RIT2: variants seen among roughly 807,000 people sequenced by gnomAD.
RIT2 encodes GTP-binding protein Rit2.
A neutral mutation model predicts 23.7 loss-of-function variants in RIT2; 24 were observed. That is an observed-to-expected ratio of 1.01 (90% CI 0.73 to 1.43). The LOEUF is 1.43. Among genes scored for constraint, RIT2 ranks in the 40% most tolerant of loss-of-function variants. The pLI is 0.00. For synonymous variants in RIT2, 107 were observed against 91.1 expected, an observed-to-expected ratio of 1.17 and a Z score of -0.99; for missense variants, 236 against 266.9, an observed-to-expected ratio of 0.88 and a Z score of 0.81.
intron 4 of RIT2, among the ~76,000 whole-genome samples, chr18:42,837,694 G>C (rs554997084): frequency 1.3e-5 from 2 of 152,042 alleles, no homozygotes; most frequent in African/African-American, 4.8e-5. Flanking sequence ...GAAAGTATTC[G>C]GATTTGGGGT....
At chr18:43,079,839 C>G (rs765353834) in intron 1 of RIT2, among the ~76,000 whole-genome samples, 10 of 152,196 alleles carry the variant, frequency 6.6e-5, no homozygotes, top group Non-Finnish European at 1.0e-4. Context: ...AAGGAAGCCT[C>G]TGCCTTTGAA....
At chr18:42,926,542 T>G (rs1470394545) in intron 3 of RIT2, among the ~76,000 whole-genome samples, 1 of 151,952 alleles carries the variant, frequency 6.6e-6, no homozygotes, top group African/African-American at 2.4e-5. Flanking sequence ...AAATATACCA[T>G]AATGAATGAC....
chr18:42,744,323 T>A (rs566198991), intron 4 of RIT2, among the ~76,000 whole-genome samples: 215 of 152,302 alleles, frequency 1.4e-3, no homozygotes, highest in Middle Eastern at 0.014. Flanking sequence ...CAGTCACATT[T>A]AAAAATATAT....
intron 4 of RIT2, among the ~76,000 whole-genome samples, chr18:42,770,094 T>C (rs1296108043): frequency 6.6e-6 from 1 of 151,790 alleles, no homozygotes; most frequent in Non-Finnish European, 1.5e-5. Flanking sequence ...GACTGCTTCA[T>C]AGGGTCAAGA....
chr18:42,767,111 C>A (rs1304554867), intron 4 of RIT2, among the ~76,000 whole-genome samples: 8 of 152,338 alleles, frequency 5.3e-5, no homozygotes, highest in Admixed American at 3.9e-4. Context: ...CCTACTGGGG[C>A]ACTGCCTAGT....
At chr18:42,811,072 G>A (rs552443651) in intron 4 of RIT2, among the ~76,000 whole-genome samples, 52 of 152,066 alleles carry the variant, frequency 3.4e-4, no homozygotes, top group Non-Finnish European at 6.6e-4. Context: ...ATTTTGTCTG[G>A]AAAGTTAGAG....
chr18:43,067,904 A>AG (rs1042605630), intron 1 of RIT2, among the ~76,000 whole-genome samples: 1 of 152,054 alleles, frequency 6.6e-6, no homozygotes, highest in African/African-American at 2.4e-5. Flanking sequence ...GTTGGAAAGG[A>AG]GGGGGGCTGG....
chr18:43,072,139 C>T (rs962273387), intron 1 of RIT2, among the ~76,000 whole-genome samples: 2 of 152,034 alleles, frequency 1.3e-5, no homozygotes, highest in Admixed American at 6.6e-5. Context: ...GTGAGTGCCA[C>T]CACGGCCAGC....
At chr18:42,923,195 C>A (rs555927549) in intron 4 of RIT2, among the ~76,000 whole-genome samples, 53 of 152,206 alleles carry the variant, frequency 3.5e-4, no homozygotes, top group Non-Finnish European at 7.4e-4. Flanking sequence ...GTCCACATGA[C>A]TATCTTCTCA....
intron 2 of RIT2, among the ~76,000 whole-genome samples, chr18:42,990,287 TGGTTTGAATGG>T (rs1193182870): frequency 1.3e-5 from 2 of 152,082 alleles, no homozygotes; most frequent in Non-Finnish European, 2.9e-5. Context: ...AGGTCTTCAA[TGGTTTGAATGG>T]GGCCCATCCA....
chr18:43,088,375 T>A (rs1490259126), intron 1 of RIT2, among the ~76,000 whole-genome samples: 2 of 152,154 alleles, frequency 1.3e-5, no homozygotes, highest in Non-Finnish European at 2.9e-5. Context: ...AGCAGTCCAC[T>A]AAGATAGTTT....
intron 4 of RIT2, among the ~76,000 whole-genome samples, chr18:42,784,792 C>T (rs957089455): frequency 1.3e-5 from 2 of 152,006 alleles, no homozygotes; most frequent in Non-Finnish European, 2.9e-5. Context: ...TAGGGAGTTA[C>T]ATAATACTTT....
intron 4 of RIT2, among the ~76,000 whole-genome samples, chr18:42,835,703 G>A (rs904445622): frequency 2.6e-5 from 4 of 151,958 alleles, no homozygotes; most frequent in Admixed American, 2.6e-4. Context: ...GATACCATGG[G>A]CACCAGATAC....
At chr18:42,849,012 A>C (rs188604774) in intron 4 of RIT2, among the ~76,000 whole-genome samples, 6 of 152,332 alleles carry the variant, frequency 3.9e-5, no homozygotes, top group Non-Finnish European at 8.8e-5. Flanking sequence ...AAACGATTTT[A>C]TATGTGTTAG....
chr18:42,849,865 C>G (rs1418947467), intron 4 of RIT2, among the ~76,000 whole-genome samples: 1 of 152,060 alleles, frequency 6.6e-6, no homozygotes, highest in Non-Finnish European at 1.5e-5. Flanking sequence ...TAAGAGCTGT[C>G]TGACAAGGGA....
At chr18:43,036,311 G>A (rs956723006) in intron 1 of RIT2, among the ~76,000 whole-genome samples, 1 of 152,248 alleles carries the variant, frequency 6.6e-6, no homozygotes, top group African/African-American at 2.4e-5. Context: ...AGGCCAAGGC[G>A]GGTGGATCAC....
chr18:42,823,335 T>C (rs2143995806), intron 4 of RIT2, among the ~76,000 whole-genome samples: 1 of 152,274 alleles, frequency 6.6e-6, no homozygotes, highest in South Asian at 2.1e-4. Context: ...CCTAACTGAT[T>C]ATTTAAGTTT....
intron 1 of RIT2, among the ~76,000 whole-genome samples, chr18:43,108,457 G>C (rs910064936): frequency 2.6e-5 from 4 of 152,004 alleles, no homozygotes; most frequent in Non-Finnish European, 5.9e-5. Context: ...TAAGGCAAGG[G>C]AATGTGACAG....
intron 3 of RIT2, among the ~76,000 whole-genome samples, chr18:42,968,781 C>A (rs1910295896): frequency 6.6e-6 from 1 of 152,082 alleles, no homozygotes; most frequent in African/African-American, 2.4e-5. Flanking sequence ...GTAATACCAG[C>A]ATGGAGTGAT....
Sources: gnomAD v4.1 joint callset for allele counts (sites outside exome capture counted in the v4.1 genomes callset) on GRCh38, gnomAD v4.1.1 for gene constraint, MANE v1.5 for transcripts, NCBI Gene and HGNC (gene_info 2026-07-23, HGNC 2026-07-21) for gene names.